The following NFAM1 variants were observed in gnomAD, a reference collection of about 807,000 sequenced individuals.
The protein encoded by NFAM1 is NFAT activating protein with ITAM motif 1.
A neutral mutation model predicts 29.0 loss-of-function variants in NFAM1; 17 were observed. The ratio of observed to expected loss-of-function variants is 0.59; its 90% CI spans 0.40 to 0.88. NFAM1 has a LOEUF of 0.88. NFAM1 is among the 40% of genes least tolerant of loss of function. NFAM1 has a pLI of 0.00. For synonymous variants in NFAM1, 175 were observed against 147.2 expected (o/e 1.19, Z -1.36); for missense variants, 324 against 344.6 (o/e 0.94, Z 0.47).
Position 42,415,681 on chromosome 22 carries a change from G to A in NFAM1, c.122-3945C>T, listed in dbSNP as rs368401643. Among the ~76,000 whole-genome samples, 47 of 152,246 alleles carry A rather than the reference G, an allele frequency of 3.1e-4. 1 individual carries two copies. The South Asian group carries it at 7.7e-3, about 25-fold the overall frequency. On this transcript the variant is annotated intron_variant, in intron 1 of 5. Coordinates refer to ENST00000329021, the MANE Select transcript of NFAM1 (RefSeq NM_145912.8). ...AGCTCCCACCCCATCTCCTGGACCC[G>A]TGCCTCCCAGAGGCCCCTTCAGGGG...
At chr22:42,435,530 A>G (rs899635174), upstream of NFAM1, among the ~76,000 whole-genome samples, 3 of 151,584 alleles carry the variant, frequency 2.0e-5, no homozygotes, top group African/African-American at 7.3e-5. Context: ...TATTTTTAGT[A>G]GAGATGGCAT....
At chr22:42,431,704 G>T (rs1419518235) in intron 1 of NFAM1, among the ~76,000 whole-genome samples, 1 of 152,244 alleles carries the variant, frequency 6.6e-6, no homozygotes, top group Non-Finnish European at 1.5e-5. Context: ...CAGGAACTGG[G>T]AGGTGAGACC....
At chr22:42,425,539 C>T (rs1930595714) in intron 1 of NFAM1, among the ~76,000 whole-genome samples, 2 of 152,202 alleles carry the variant, frequency 1.3e-5, no homozygotes, top group African/African-American at 4.8e-5. Context: ...ACTTCCTCCA[C>T]CCTGCCAGCT....
chr22:42,387,222 C>T, intron 4 of NFAM1, 144 bp from the exon 5 acceptor site: 2 of 503,496 alleles, frequency 4.0e-6, no homozygotes, highest in East Asian at 3.5e-5. Flanking sequence ...GCACCTGCCA[C>T]CCCCTTTCCC....
intron 3 of NFAM1, among the ~76,000 whole-genome samples, chr22:42,404,441 C>A (rs889097639): frequency 4.6e-5 from 7 of 152,114 alleles, no homozygotes; most frequent in South Asian, 2.1e-4. Context: ...GCATCCACAG[C>A]GAACCAGGGG....
rs1263038964 is a variant in NFAM1 at position 42,388,241 on chromosome 22, C to T, written c.664-1163G>A. Among the ~76,000 whole-genome samples the T allele has an allele frequency of 6.6e-6, 1 of 152,248 alleles. No individual in the cohort carries two copies. Among genetic ancestry groups the T allele is most frequent in the East Asian group, 1.9e-4 (1 of 5,202 alleles). ...CCAGCCAAAGGCAACCCCTTAACCGCTCCATGCCTCAGTTTCCACGTCTGT... is the reference window on the plus strand; with the variant it reads ...CCAGCCAAAGGCAACCCCTTAACCGTTCCATGCCTCAGTTTCCACGTCTGT... On this transcript the variant is annotated intron_variant, in intron 4 of 5. Transcript: ENST00000329021. The surrounding 1 kb of genome is among the most constrained non-coding windows in gnomAD (Gnocchi z 4.1).
Position 42,408,445 on chromosome 22 carries a change from T to C in NFAM1, c.564+990A>G, listed in dbSNP as rs540839525. Among the ~76,000 whole-genome samples, 4 of 152,314 alleles carry C rather than the reference T, an allele frequency of 2.6e-5. 1 individual carries two copies. The South Asian group carries it at 8.3e-4, about 32-fold the overall frequency. ...CACCCAGGGCTGTTGCTGACTCAGCTGCCCCCAGGCTTGGCCCCGAAGGTC... is the reference window on the plus strand; with the variant it reads ...CACCCAGGGCTGTTGCTGACTCAGCCGCCCCCAGGCTTGGCCCCGAAGGTC... On this transcript the variant is annotated intron_variant, in intron 3 of 5. Transcript: ENST00000329021.
intron 1 of NFAM1, among the ~76,000 whole-genome samples, chr22:42,426,412 G>C (rs9620046): frequency 6.6e-6 from 1 of 152,130 alleles, no homozygotes; most frequent in Non-Finnish European, 1.5e-5. Context: ...GGCTCTTCTC[G>C]GCACCCTGCA....
At chr22:42,432,796 T>G (rs115824126), upstream of NFAM1, among the ~76,000 whole-genome samples, 1,674 of 152,256 alleles carry the variant, frequency 0.011, 31 homozygotes, top group African/African-American at 0.039. Flanking sequence ...GAGAATCCCT[T>G]AATAATGTGT....
chr22:42,421,234 T>A (rs1380694074), intron 1 of NFAM1, among the ~76,000 whole-genome samples: 1 of 152,004 alleles, frequency 6.6e-6, no homozygotes, highest in East Asian at 1.9e-4. Context: ...GTGGATCTCC[T>A]GAGGTCAGGA....
At chr22:42,390,436 G>A (rs1485113780) in intron 4 of NFAM1, among the ~76,000 whole-genome samples, 2 of 152,286 alleles carry the variant, frequency 1.3e-5, no homozygotes, top group African/African-American at 4.8e-5. Context: ...GTTGGGATGG[G>A]ACAGGAAAGG....
Position 42,380,952 on chromosome 22 carries a change from C to T in NFAM1, c.*4209G>A, listed in dbSNP as rs1928924964. 1 of 152,488 alleles carries T rather than the reference C, an allele frequency of 6.6e-6. No individual in the cohort carries two copies. The highest frequency in any genetic ancestry group is 2.4e-5 in the African/African-American group (1 of 41,460). 9.4% of individuals were successfully genotyped at this position (152,488 alleles called of 1,614,324 possible). A position where few individuals can be genotyped will look rare whatever the true frequency, so the allele number is the denominator to read the frequency against. On this transcript the variant is annotated 3_prime_UTR_variant, in exon 6 of 6. Transcript: ENST00000329021. ...GCAATATTGGCTGTGAAGGGAACCC[C>T]AGCCACACCGGGTTCAGCGCAGAAC...
At chr22:42,385,630 C>A (rs2147086862) in intron 5 of NFAM1, among the ~76,000 whole-genome samples, 1 of 143,950 alleles carries the variant, frequency 6.9e-6, no homozygotes, top group Middle Eastern at 3.5e-3. Flanking sequence ...CAGAAGAACA[C>A]CCCTCACAAC....
chr22:42,403,670 C>T lies in NFAM1; in HGVS notation c.565-5714G>A, dbSNP rs376517035. 5.9e-5 allele frequency among the ~76,000 whole-genome samples: 9 copies of T among 152,212 alleles called. No individual in the cohort carries two copies. The East Asian group carries it at 1.3e-3, about 23-fold the overall frequency. Reference sequence around the variant, plus strand: ...GAAAGGGCCCTATAAATGGTAAGCCCTTCAGCAAATGTTTATTGAGGGCCT... The same window carrying T: ...GAAAGGGCCCTATAAATGGTAAGCCTTTCAGCAAATGTTTATTGAGGGCCT... On this transcript the variant is annotated intron_variant, in intron 3 of 5. Coordinates refer to ENST00000329021, the MANE Select transcript of NFAM1 (RefSeq NM_145912.8).
chr22:42,419,989 G>GTTTTTTTTT lies in NFAM1; in HGVS notation c.122-8254_122-8253insAAAAAAAAA, dbSNP rs1491236869. 4.8e-4 allele frequency among the ~76,000 whole-genome samples: 27 copies of GTTTTTTTTT among 56,526 alleles called. 3 individuals carry two copies. The highest frequency in any genetic ancestry group is 5.9e-4 in the South Asian group (1 of 1,682). The allele number at this position is 56,526 out of a possible 152,430, so 37.1% of individuals were successfully genotyped here. On this transcript the variant is annotated intron_variant, in intron 1 of 5. Coordinates refer to ENST00000329021, the MANE Select transcript of NFAM1 (RefSeq NM_145912.8). The surrounding 1 kb of genome is among the most constrained non-coding windows in gnomAD (Gnocchi z 4.5). Reference sequence around the variant, plus strand: ...CCTTTGAGTCTGTAATCCCACTCTTGGTTTTTTTTTTTTTTTTTTTTTTTT... The same window carrying GTTTTTTTTT: ...CCTTTGAGTCTGTAATCCCACTCTTGTTTTTTTTTGTTTTTTTTTTTTTTTTTTTTTTTT...
Position 42,419,411 on chromosome 22 carries a change from T to C in NFAM1, c.122-7675A>G, listed in dbSNP as rs188149687. On this transcript the variant is annotated intron_variant, in intron 1 of 5. Transcript: ENST00000329021. This position sits in a 1 kb window ranked among gnomAD's most constrained non-coding sequence, Gnocchi z 4.5. The stretch of plus-strand genomic sequence containing the variant: ...GGTCAAGACAAGCAATTAAAAAAAA[T>C]AGAACATGAAGCATTTCATGCGTAG... Among the ~76,000 whole-genome samples, 90 of 152,194 alleles carry C rather than the reference T, an allele frequency of 5.9e-4. No individual in the cohort carries two copies. The highest frequency in any genetic ancestry group is 5.2e-3 in the South Asian group (25 of 4,814).
chr22:42,412,826 G>A (rs536021733), intron 1 of NFAM1, among the ~76,000 whole-genome samples: 153 of 152,300 alleles, frequency 1.0e-3, no homozygotes, highest in Admixed American at 2.7e-3. Context: ...TTCCAACAAC[G>A]CAGAGGTGCT....
chr22:42,417,506 G>C (rs1057498045), intron 1 of NFAM1, among the ~76,000 whole-genome samples: 1 of 126,646 alleles, frequency 7.9e-6, no homozygotes, highest in East Asian at 2.0e-4. Flanking sequence ...ACGGATTTGA[G>C]AACTTCCCTT....
At position 42,419,990 on chromosome 22, in the gene NFAM1, G is replaced by T. The variant is rs4822128; in HGVS notation, c.122-8254C>A. Among the ~76,000 whole-genome samples, 22,790 of 30,368 alleles carry T rather than the reference G, an allele frequency of 0.75. 7,750 individuals are homozygous for T. The highest frequency in any genetic ancestry group is 0.88 in the African/African-American group (5,292 of 5,980). The allele number at this position is 30,368 out of a possible 152,430, so 19.9% of individuals were successfully genotyped here. On this transcript the variant is annotated intron_variant, in intron 1 of 5. Transcript: ENST00000329021. This position sits in a 1 kb window ranked among gnomAD's most constrained non-coding sequence, Gnocchi z 4.5. ...CTTTGAGTCTGTAATCCCACTCTTGGTTTTTTTTTTTTTTTTTTTTTTTTT... is the reference window on the plus strand; with the variant it reads ...CTTTGAGTCTGTAATCCCACTCTTGTTTTTTTTTTTTTTTTTTTTTTTTTT...
Sources: allele counts gnomAD v4.1 joint callset (sites outside exome capture counted in the v4.1 genomes callset), GRCh38; gene constraint gnomAD v4.1.1; non-coding constraint Gnocchi (gnomAD v3.1); transcripts MANE v1.5; gene names NCBI Gene and HGNC (gene_info 2026-07-23, HGNC 2026-07-21).